TNC: variants seen among roughly 807,000 people sequenced by gnomAD.
TNC encodes the protein tenascin C.
A neutral mutation model predicts 202.4 loss-of-function variants in TNC; 109 were observed. The ratio of observed to expected loss-of-function variants is 0.54; its 90% CI spans 0.46 to 0.63. TNC has a LOEUF of 0.63. Ranked by LOEUF, TNC falls within the 30% of genes least tolerant of loss-of-function variation. The pLI, the probability that TNC is intolerant of heterozygous loss-of-function variation, is 0.00. For synonymous variants in TNC, 1,007 were observed against 1,089.7 expected, an observed-to-expected ratio of 0.92 and a Z score of 1.50; for missense variants, 2,756 against 2,833.3, an observed-to-expected ratio of 0.97 and a Z score of 0.62.
intron 13 of TNC, among the ~76,000 whole-genome samples, chr9:115,061,442 C>T (rs901866621): frequency 6.6e-6 from 1 of 152,078 alleles, no homozygotes; most frequent in African/African-American, 2.4e-5. Flanking sequence ...AGTTGTACTG[C>T]TAAAAACAAA....
At chr9:115,063,773 A>G (rs1467406120) in intron 12 of TNC, 23 bp downstream of exon 12, 2 of 1,597,006 alleles carry the variant, frequency 1.3e-6, no homozygotes, top group African/African-American at 2.7e-5. Flanking sequence ...GAGGAAGTGA[A>G]TTAGTGAATT....
At position 115,086,989 on chromosome 9, in the gene TNC, T is replaced by A; in HGVS notation, c.742A>T (p.Ser248Cys). ...CFEGYAGADC[S>C]REICPVPCSE... is the part of the protein sequence containing the mutation. Reference sequence around the variant, plus strand: ...CAGGGCACTGGGCAGATTTCACGGCTGCAGTCAGCCCCGGCGTAGCCTTCG... The same window carrying A: ...CAGGGCACTGGGCAGATTTCACGGCAGCAGTCAGCCCCGGCGTAGCCTTCG... Residue 248 changes from serine (S) to cysteine (C), a missense_variant, in exon 3 of 28, where the codon AGC becomes TGC. Coordinates refer to ENST00000350763, the MANE Select transcript of TNC (RefSeq NM_002160.4). 7 of 1,614,188 alleles carry A rather than the reference T, an allele frequency of 4.3e-6. No individual in the cohort carries two copies. Among genetic ancestry groups the A allele is most frequent in the Non-Finnish European group, 4.2e-6 (5 of 1,180,044 alleles).
intron 20 of TNC, 99 bp from the exon 21 acceptor site, chr9:115,036,340 C>G (rs1445250041): frequency 4.5e-6 from 6 of 1,346,194 alleles, no homozygotes; most frequent in Admixed American, 3.8e-5. Flanking sequence ...AACATCGAAA[C>G]TTTCAGTGAC....
intron 6 of TNC, 99 bp from the exon 7 acceptor site, chr9:115,078,311 T>C (rs1834039230): frequency 2.2e-6 from 3 of 1,342,418 alleles, no homozygotes; most frequent in East Asian, 2.4e-5. Flanking sequence ...TGTGGGTGAA[T>C]ACTTATACTA....
intron 1 of TNC, among the ~76,000 whole-genome samples, chr9:115,098,110 G>A (rs1290525397): frequency 6.6e-6 from 1 of 152,192 alleles, no homozygotes; most frequent in Admixed American, 6.5e-5. Flanking sequence ...TGTGGGGAGT[G>A]TGGGGTGGAA....
intron 1 of TNC, among the ~76,000 whole-genome samples, chr9:115,091,449 G>A (rs1208851437): frequency 6.6e-6 from 1 of 152,154 alleles, no homozygotes; most frequent in Non-Finnish European, 1.5e-5. Flanking sequence ...TGTAGCTCTG[G>A]TCCCTTGGAT....
intron 17 of TNC, among the ~76,000 whole-genome samples, chr9:115,044,533 G>A (rs923144833): frequency 2.0e-5 from 3 of 149,172 alleles, no homozygotes; most frequent in Admixed American, 2.0e-4. Context: ...TTTTTTTGTT[G>A]TTCTTAAAAA....
In TNC at chr9:115,020,475, G is replaced by T; in HGVS notation, c.*682C>A. 1 of 196,822 alleles carries T rather than the reference G, an allele frequency of 5.1e-6. No individual in the cohort carries two copies. Among genetic ancestry groups the T allele is most frequent in the South Asian group, 8.8e-5 (1 of 11,374 alleles). 12.2% of individuals were successfully genotyped at this position (196,822 alleles called of 1,614,324 possible). ...TTCCTATCCCAACATTCCCCGCTTTGTTCAAATGATTGGCTTTGGTGAAAT... is the reference window on the plus strand; with the variant it reads ...TTCCTATCCCAACATTCCCCGCTTTTTTCAAATGATTGGCTTTGGTGAAAT... On this transcript the variant is annotated 3_prime_UTR_variant, in exon 28 of 28. Transcript: ENST00000350763.
At chr9:115,100,407 C>T (rs1053971040) in intron 1 of TNC, among the ~76,000 whole-genome samples, 10 of 152,124 alleles carry the variant, frequency 6.6e-5, no homozygotes, top group African/African-American at 1.9e-4. Flanking sequence ...CTTCAGGCAG[C>T]CAATTAAGTA....
chr9:115,116,205 G>A (rs1418834463), intron 1 of TNC, among the ~76,000 whole-genome samples: 3 of 152,152 alleles, frequency 2.0e-5, no homozygotes, highest in Non-Finnish European at 4.4e-5. Context: ...ATAAAATAGA[G>A]AAGCTAGGTT....
intron 25 of TNC, 69 bp downstream of exon 25, chr9:115,029,291 T>A: frequency 1.4e-6 from 2 of 1,398,230 alleles, no homozygotes; most frequent in Non-Finnish European, 2.0e-6. Context: ...TAGGTCCCTG[T>A]GGGTTAGGAA....
At chr9:115,107,691 T>C (rs1836722775) in intron 1 of TNC, among the ~76,000 whole-genome samples, 1 of 152,242 alleles carries the variant, frequency 6.6e-6, no homozygotes, top group Admixed American at 6.5e-5. Flanking sequence ...CTAAAATGTC[T>C]GCTTTCAACT....
intron 1 of TNC, among the ~76,000 whole-genome samples, chr9:115,095,478 A>G (rs1345418618): frequency 1.8e-5 from 1 of 56,864 alleles, no homozygotes; most frequent in South Asian, 6.4e-4. Flanking sequence ...ATGTATATAT[A>G]TGTATATATA....
intron 15 of TNC, among the ~76,000 whole-genome samples, chr9:115,053,559 A>G (rs745730255): frequency 1.3e-5 from 2 of 152,226 alleles, no homozygotes; most frequent in Non-Finnish European, 2.9e-5. Context: ...TCATAAACTT[A>G]TTGATCAATG....
chr9:115,049,929 T>C (rs1456012423), intron 15 of TNC, among the ~76,000 whole-genome samples: 1 of 152,204 alleles, frequency 6.6e-6, no homozygotes, highest in Non-Finnish European at 1.5e-5. Flanking sequence ...AATTTTGCTG[T>C]GGCTTGGACT....
chr9:115,046,448 C>T lies in TNC; in HGVS notation c.5087G>A (p.Gly1696Glu). 1 of 1,614,158 alleles carries T rather than the reference C, an allele frequency of 6.2e-7. No homozygotes were observed. The highest frequency in any genetic ancestry group is 8.5e-7 in the Non-Finnish European group (1 of 1,179,986). ...YEIELYGISK[G>E]RRSQTVSAIA... ...AGCACTGACTGTCTGGGATCGCCTT[C>T]CTTTGCTTATTCCATAGAGTTCAAT... Residue 1696 changes from glycine (G) to glutamate (E), a missense_variant, in exon 17 of 28, where the codon GGA (glycine) becomes GAA (glutamate). Transcript: ENST00000350763.
chr9:115,035,278 G>A lies in TNC; in HGVS notation c.5713C>T (p.Leu1905Phe), dbSNP rs141255258. 78 of 1,613,562 alleles carry A rather than the reference G, an allele frequency of 4.8e-5. No homozygotes were observed. The highest frequency in any genetic ancestry group is 6.3e-5 in the Non-Finnish European group (74 of 1,179,798). ...GATGCCCGGGGGGGTCGCCAGGTAAGGAGGGCAGTTTCCGACTGAACCTCA... is the reference window on the plus strand; with the variant it reads ...GATGCCCGGGGGGGTCGCCAGGTAAAGAGGGCAGTTTCCGACTGAACCTCA... ...ATEVQSETAL[L>F]TWRPPRASVT... is the part of the protein sequence containing the mutation. The change falls in exon 22 of 28, where the codon CTT becomes TTT. Residue 1905 changes from leucine (L) to phenylalanine (F), a missense_variant. Physicochemically the swap from Leu to Phe is conservative, Grantham distance 22. This residue lies in a region of TNC where 2,559 missense variants were observed against 2,546.0 expected (regional missense o/e 1.01). Coordinates refer to ENST00000350763, the MANE Select transcript of TNC (RefSeq NM_002160.4).
At chr9:115,081,150 G>T (rs1834274547) in intron 6 of TNC, among the ~76,000 whole-genome samples, 1 of 152,160 alleles carries the variant, frequency 6.6e-6, no homozygotes, top group Non-Finnish European at 1.5e-5. Context: ...GCCCCTGATG[G>T]TGTTAACTAT....
rs1831198318 is a variant in TNC at position 115,046,427 on chromosome 9, C to T, written c.5108G>A (p.Ser1703Asn). The change falls in exon 17 of 28, where the codon AGT (serine) becomes AAT (asparagine). Residue 1703 changes from serine (S) to asparagine (N), a missense_variant. Coordinates refer to ENST00000350763, the MANE Select transcript of TNC (RefSeq NM_002160.4). The part of the protein sequence containing the change: ...ISKGRRSQTV[S>N]AIATTAMGSP... ...TACAGTACCTGTTGTTGCTATAGCA[C>T]TGACTGTCTGGGATCGCCTTCCTTT... 3.1e-6 allele frequency: 5 copies of T among 1,614,098 alleles called. No individual in the cohort carries two copies. The African/African-American group carries it at 4.0e-5, about 13-fold the overall frequency.
Sources: allele counts gnomAD v4.1 joint callset (sites outside exome capture counted in the v4.1 genomes callset), GRCh38; gene constraint gnomAD v4.1.1; regional missense constraint gnomAD v4.1.1; transcripts MANE v1.5; gene names NCBI Gene and HGNC (gene_info 2026-07-23, HGNC 2026-07-21).